LARGE1: variants seen among roughly 807,000 people sequenced by gnomAD.
LARGE1 encodes xylosyl- and glucuronyltransferase LARGE1.
A neutral mutation model predicts 87.6 loss-of-function variants in LARGE1; 43 were observed. That is an observed-to-expected ratio of 0.49 (90% CI 0.38 to 0.63). The LOEUF is 0.63. LARGE1 is among the 30% of genes least tolerant of loss of function. LARGE1 has a pLI of 0.00. For synonymous variants in LARGE1, 434 were observed against 394.6 expected, an observed-to-expected ratio of 1.10 and a Z score of -1.18; for missense variants, 802 against 1,000.2, an observed-to-expected ratio of 0.80 and a Z score of 2.67.
intron 11 of LARGE1, among the ~76,000 whole-genome samples, chr22:33,307,879 G>A (rs1475510263): frequency 1.3e-5 from 2 of 151,670 alleles, no homozygotes; most frequent in East Asian, 1.9e-4. Flanking sequence ...CTCCCCTCAT[G>A]TGTTCCCTAA....
chr22:33,867,614 T>C (rs2064145076), intron 1 of LARGE1, among the ~76,000 whole-genome samples: 1 of 152,196 alleles, frequency 6.6e-6, no homozygotes. Flanking sequence ...AAGCTCTGTT[T>C]CATAGGTTTG....
chr22:33,444,751 T>C (rs1038809836), intron 6 of LARGE1, among the ~76,000 whole-genome samples: 1 of 152,194 alleles, frequency 6.6e-6, no homozygotes, highest in African/African-American at 2.4e-5. Flanking sequence ...TCAACAAATA[T>C]TCATTGCATC....
At chr22:33,358,997 TAAA>T (rs35961638) in intron 9 of LARGE1, among the ~76,000 whole-genome samples, 4 of 141,762 alleles carry the variant, frequency 2.8e-5, no homozygotes, top group Non-Finnish European at 4.6e-5. Context: ...GACTCCATCT[TAAA>T]AAAAAAAAAA....
At chr22:33,550,714 G>T (rs553110050) in intron 6 of LARGE1, among the ~76,000 whole-genome samples, 5 of 152,176 alleles carry the variant, frequency 3.3e-5, no homozygotes, top group Admixed American at 3.3e-4. Flanking sequence ...AAAGGAAAAA[G>T]AAATCATTAT....
chr22:33,374,770 A>G (rs541157755), intron 9 of LARGE1, among the ~76,000 whole-genome samples: 1 of 152,296 alleles, frequency 6.6e-6, no homozygotes, highest in East Asian at 1.9e-4. Context: ...CAAATTATAT[A>G]AAATTCTTAA....
At chr22:33,508,645 C>A (rs2070881242) in intron 6 of LARGE1, among the ~76,000 whole-genome samples, 1 of 152,140 alleles carries the variant, frequency 6.6e-6, no homozygotes, top group East Asian at 1.9e-4. Context: ...AACGTACATC[C>A]ATGACATCCT....
chr22:33,907,428 C>A (rs981334172), intron 1 of LARGE1, among the ~76,000 whole-genome samples: 1 of 152,212 alleles, frequency 6.6e-6, no homozygotes, highest in Non-Finnish European at 1.5e-5. Flanking sequence ...ATTTCTCCAT[C>A]AATTATGACT....
intron 12 of LARGE1, among the ~76,000 whole-genome samples, chr22:33,291,031 T>A (rs369298376): frequency 6.7e-6 from 1 of 148,812 alleles, no homozygotes; most frequent in Non-Finnish European, 1.5e-5. Flanking sequence ...AGAGCGAGAC[T>A]CCATCTCAAA....
chr22:33,460,227 C>T (rs1221862161), intron 6 of LARGE1, among the ~76,000 whole-genome samples: 2 of 152,224 alleles, frequency 1.3e-5, no homozygotes, highest in Non-Finnish European at 2.9e-5. Flanking sequence ...GCTTCCACTG[C>T]TTCTGGACCA....
intron 6 of LARGE1, among the ~76,000 whole-genome samples, chr22:33,495,198 A>G (rs1263134641): frequency 6.6e-6 from 1 of 150,388 alleles, no homozygotes; most frequent in Non-Finnish European, 1.5e-5. Context: ...TGCTTAGAAC[A>G]CTTCCACAGC....
chr22:33,287,999 T>G (rs1192802676), intron 12 of LARGE1, among the ~76,000 whole-genome samples: 1 of 152,150 alleles, frequency 6.6e-6, no homozygotes, highest in African/African-American at 2.4e-5. Context: ...AATATGTTGA[T>G]GAGGATAAGC....
intron 6 of LARGE1, among the ~76,000 whole-genome samples, chr22:33,477,910 C>T (rs946076492): frequency 3.3e-5 from 5 of 152,176 alleles, no homozygotes; most frequent in Non-Finnish European, 7.4e-5. Context: ...CCTCTTTCTA[C>T]GTTTCTCAAA....
chr22:33,545,276 T>G (rs1242389224), intron 6 of LARGE1, among the ~76,000 whole-genome samples: 1 of 151,456 alleles, frequency 6.6e-6, no homozygotes. Flanking sequence ...TTTTTTTTTT[T>G]TTTTTTTAGA....
intron 1 of LARGE1, among the ~76,000 whole-genome samples, chr22:33,912,729 A>C (rs953890461): frequency 6.6e-6 from 1 of 152,092 alleles, no homozygotes; most frequent in African/African-American, 2.4e-5. Flanking sequence ...TCCTAGAACA[A>C]AATCTTTTTT....
chr22:33,693,405 A>C (rs1243793490), intron 2 of LARGE1, among the ~76,000 whole-genome samples: 1 of 152,162 alleles, frequency 6.6e-6, no homozygotes, highest in Non-Finnish European at 1.5e-5. Context: ...GAAATGAAAA[A>C]AAAAAAAATT....
chr22:33,715,041 T>C (rs770865350), intron 2 of LARGE1, among the ~76,000 whole-genome samples: 1 of 152,198 alleles, frequency 6.6e-6, no homozygotes, highest in Non-Finnish European at 1.5e-5. Flanking sequence ...GCTCAATTGA[T>C]GGAGGCTTCA....
At chr22:33,210,636 C>G (rs1602097367) in intron 11 of LARGE1, among the ~76,000 whole-genome samples, 1 of 152,276 alleles carries the variant, frequency 6.6e-6, no homozygotes, top group African/African-American at 2.4e-5. Flanking sequence ...CTGATGGCAC[C>G]TAGCCTCAAG....
the LARGE1 span, among the ~76,000 whole-genome samples, chr22:33,125,412 T>C: frequency 1.3e-5 from 2 of 151,940 alleles, no homozygotes; most frequent in Admixed American, 1.3e-4. Context: ...TGCACTGTAT[T>C]GAGGCTGTGA....
intron 11 of LARGE1, among the ~76,000 whole-genome samples, chr22:33,228,750 C>A (rs1024700202): frequency 1.3e-5 from 2 of 152,060 alleles, no homozygotes; most frequent in South Asian, 4.1e-4. Context: ...AAGTAAGAGA[C>A]AATGTTGCAC....
Sources: allele counts gnomAD v4.1 joint callset (sites outside exome capture counted in the v4.1 genomes callset), GRCh38; gene constraint gnomAD v4.1.1; transcripts MANE v1.5; gene names NCBI Gene and HGNC (gene_info 2026-07-23, HGNC 2026-07-21).